ABHD18: variants seen among roughly 807,000 people sequenced by gnomAD.
ABHD18 encodes the protein abhydrolase domain containing 18.
ABHD18 carries 55 observed loss-of-function variants against 65.9 expected under a neutral mutation model. That is an observed-to-expected ratio of 0.84 (90% confidence interval 0.67 to 1.05). The LOEUF (loss-of-function observed/expected upper bound fraction) is 1.05. ABHD18 is among the 50% of genes least tolerant of loss of function. The pLI is 0.00. For missense variants in ABHD18, 533 were observed against 558.5 expected (o/e 0.95, Z 0.46); for synonymous variants, 181 against 180.2 (o/e 1.00, Z -0.04).
intron 1 of ABHD18, among the ~76,000 whole-genome samples, chr4:127,969,766 G>A (rs75941624): frequency 1.4e-5 from 2 of 147,642 alleles, no homozygotes; most frequent in Admixed American, 1.4e-4. Flanking sequence ...TTTTTTTTTG[G>A]AGACAGGATT....
chr4:127,982,782 T>C (rs914847978), intron 1 of ABHD18, among the ~76,000 whole-genome samples, 157 bp from the exon 2 acceptor site: 1 of 152,196 alleles, frequency 6.6e-6, no homozygotes, highest in Non-Finnish European at 1.5e-5. Context: ...TCAACTCAGC[T>C]CTTTTTTTTC....
At chr4:128,014,389 T>C (rs1230213357) in intron 7 of ABHD18, among the ~76,000 whole-genome samples, 3 of 152,168 alleles carry the variant, frequency 2.0e-5, no homozygotes, top group Non-Finnish European at 4.4e-5. Context: ...TTAGGTCTAG[T>C]GAGAGGCAGC....
At chr4:128,012,687 AT>A (rs1240813353) in intron 7 of ABHD18, among the ~76,000 whole-genome samples, 2 of 152,150 alleles carry the variant, frequency 1.3e-5, no homozygotes, top group Admixed American at 6.5e-5. Context: ...AAGACTTGGA[AT>A]AAGATCAGCC....
chr4:128,034,919 T>C (rs896341789), intron 12 of ABHD18, among the ~76,000 whole-genome samples: 1 of 152,228 alleles, frequency 6.6e-6, no homozygotes, highest in Non-Finnish European at 1.5e-5. Flanking sequence ...CCCAAAGTGC[T>C]GGGATTACAG....
chr4:127,969,171 G>A (rs980993847), intron 1 of ABHD18, among the ~76,000 whole-genome samples: 3 of 151,596 alleles, frequency 2.0e-5, no homozygotes, highest in Non-Finnish European at 4.4e-5. Context: ...GGGAATTAAA[G>A]TGATTTGGGA....
chr4:127,989,505 T>G (rs1015179216), intron 3 of ABHD18, among the ~76,000 whole-genome samples: 2 of 152,194 alleles, frequency 1.3e-5, no homozygotes, highest in East Asian at 3.8e-4. Flanking sequence ...TTACAACTCG[T>G]ATGCCTGTAT....
rs187060611 is a variant in ABHD18, at chr4:128,004,888, C to T, written c.279-4032C>T. Among the ~76,000 whole-genome samples, 547 of 150,150 alleles carry T rather than the reference C, an allele frequency of 3.6e-3. 3 individuals are homozygous for T. Among genetic ancestry groups the T allele is most frequent in the African/African-American group, 0.013 (513 of 40,726 alleles). ...TTGCGCCATTGCACTCCAGCCTGGG[C>T]GACAGAATGAGACTCCGTCTCAAAA... On this transcript the variant is annotated intron_variant, in intron 4 of 12. Coordinates refer to ENST00000645843, the MANE Select transcript of ABHD18 (RefSeq NM_001358451.3).
At chr4:127,970,942 G>A (rs1236425176) in intron 1 of ABHD18, among the ~76,000 whole-genome samples, 1 of 152,000 alleles carries the variant, frequency 6.6e-6, no homozygotes, top group Non-Finnish European at 1.5e-5. Flanking sequence ...AGAAGTGGTG[G>A]TACATGCCTG....
chr4:128,018,519 G>T (rs995463193), intron 8 of ABHD18, among the ~76,000 whole-genome samples: 1 of 152,110 alleles, frequency 6.6e-6, no homozygotes, highest in African/African-American at 2.4e-5. Context: ...CATCTCTGTA[G>T]TTGTGGCTAC....
chr4:127,973,501 T>C (rs1056176863), intron 1 of ABHD18, among the ~76,000 whole-genome samples: 6 of 152,146 alleles, frequency 3.9e-5, no homozygotes, highest in African/African-American at 1.4e-4. Context: ...TCTCTCAGTG[T>C]AGCAGACAGT....
intron 7 of ABHD18, among the ~76,000 whole-genome samples, chr4:128,015,950 CTT>C (rs938616932): frequency 2.1e-4 from 27 of 130,724 alleles, no homozygotes; most frequent in Non-Finnish European, 2.0e-4. Context: ...TATTTAAATA[CTT>C]TTTTTTTTTT....
intron 1 of ABHD18, among the ~76,000 whole-genome samples, chr4:127,971,674 T>C (rs1323099820): frequency 2.0e-5 from 3 of 151,894 alleles, no homozygotes; most frequent in African/African-American, 7.3e-5. Flanking sequence ...GTATTTTTAG[T>C]AGAGATGGGG....
In ABHD18 at chr4:127,982,866, A is replaced by C. The variant is rs184361139; in HGVS notation, c.-17-73A>C. 205 of 722,696 alleles carry C rather than the reference A, an allele frequency of 2.8e-4. No individual in the cohort carries two copies. The African/African-American group carries it at 3.3e-3, about 12-fold the overall frequency. 44.8% of individuals were successfully genotyped at this position (722,696 alleles called of 1,614,324 possible). On this transcript the variant is annotated intron_variant, in intron 1 of 12. Coordinates refer to ENST00000645843, the MANE Select transcript of ABHD18 (RefSeq NM_001358451.3). ...TTAATTTTACATGATAGTCAAAGAA[A>C]TGGTTAGAAAATTGACCTGCTACCT...
chr4:128,029,722 G>A (rs2149191876), intron 11 of ABHD18, among the ~76,000 whole-genome samples: 1 of 152,106 alleles, frequency 6.6e-6, no homozygotes, highest in African/African-American at 2.4e-5. Flanking sequence ...CTACTCAGGA[G>A]GCTGAGGCAG....
intron 12 of ABHD18, among the ~76,000 whole-genome samples, chr4:128,034,652 T>C (rs933833413): frequency 6.6e-6 from 1 of 152,048 alleles, no homozygotes. Context: ...CCTTTTCTTT[T>C]TCTTTCTTTT....
chr4:128,032,611 G>T (rs1358159697), intron 12 of ABHD18, among the ~76,000 whole-genome samples: 2 of 152,036 alleles, frequency 1.3e-5, no homozygotes, highest in Non-Finnish European at 1.5e-5. Flanking sequence ...GCTTGAACCT[G>T]GGAGGTGGAG....
intron 1 of ABHD18, among the ~76,000 whole-genome samples, chr4:127,975,574 T>C (rs1334678770): frequency 6.6e-6 from 1 of 152,212 alleles, no homozygotes; most frequent in Non-Finnish European, 1.5e-5. Flanking sequence ...CATCTGCCAA[T>C]GGACACTAAA....
At chr4:128,011,813 G>A (rs973929436) in intron 7 of ABHD18, 113 bp downstream of exon 7, 7 of 438,952 alleles carry the variant, frequency 1.6e-5, no homozygotes, top group Non-Finnish European at 1.9e-5. Flanking sequence ...AATATTATGG[G>A]GGGGGGGAGT....
At chr4:127,996,086 G>C (rs1225862517) in intron 4 of ABHD18, among the ~76,000 whole-genome samples, 1 of 152,222 alleles carries the variant, frequency 6.6e-6, no homozygotes, top group Non-Finnish European at 1.5e-5. Context: ...AAGGAGTGTG[G>C]ATGAGTAGAG....
Sources: gnomAD v4.1 joint callset for allele counts (sites outside exome capture counted in the v4.1 genomes callset) on GRCh38, gnomAD v4.1.1 for gene constraint, MANE v1.5 for transcripts, NCBI Gene and HGNC (gene_info 2026-07-23, HGNC 2026-07-21) for gene names.